ZPBP: variants seen among roughly 807,000 people sequenced by gnomAD.
ZPBP encodes the protein zona pellucida-binding protein 1.
Under a neutral mutation model 44.8 loss-of-function variants are expected in ZPBP, and 26 were observed. The observed-to-expected ratio is 0.58, with a 90% confidence interval of 0.43 to 0.81. The LOEUF (loss-of-function observed/expected upper bound fraction) is 0.81, where lower values mean the gene tolerates loss of function less well. Ranked by LOEUF, ZPBP falls within the 30% of genes least tolerant of loss-of-function variation. The pLI is 0.00. For missense variants in ZPBP, 409 were observed against 434.0 expected (o/e 0.94, Z 0.51); for synonymous variants, 174 against 153.2 (o/e 1.14, Z -1.00).
At chr7:49,912,353 G>T in intron 1 of ZPBP, 2 of 623,348 alleles carry the variant, frequency 3.2e-6, no homozygotes, top group Non-Finnish European at 2.6e-6. Context: ...AGAAGGAAAT[G>T]GATATATTTC....
At chr7:49,844,982 C>T in the ZPBP span, among the ~76,000 whole-genome samples, 19 of 152,186 alleles carry the variant, frequency 1.2e-4, no homozygotes, top group African/African-American at 3.4e-4. Flanking sequence ...CGCACCCGGC[C>T]GGCAATTCAC....
rs550377170 is a variant in ZPBP, at chr7:50,091,417, G to T, written c.127+1651C>A. ...TGAAATCTTTGCCTAAATGGTGCTG[G>T]GATAATTGGAAAGCCACATGCAGAA... On this transcript the variant is annotated intron_variant, in intron 1 of 7. Transcript: ENST00000046087. Among the ~76,000 whole-genome samples, 85 of 152,096 alleles carry T rather than the reference G, an allele frequency of 5.6e-4. 1 individual carries two copies. The highest frequency in any genetic ancestry group is 2.0e-3 in the African/African-American group (84 of 41,498).
At chr7:49,979,558 C>T (rs959458258) in intron 7 of ZPBP, among the ~76,000 whole-genome samples, 1 of 150,948 alleles carries the variant, frequency 6.6e-6, no homozygotes, top group African/African-American at 2.4e-5. Flanking sequence ...GTGTTGTTAC[C>T]CAAAGTTTTT....
intron 2 of ZPBP, among the ~76,000 whole-genome samples, chr7:49,860,643 A>T (rs1005845941): frequency 3.0e-4 from 45 of 152,240 alleles, no homozygotes; most frequent in Non-Finnish European, 1.8e-4. Context: ...TTGCTAGGGC[A>T]TATGGTAACT....
chr7:49,981,617 T>TAA (rs1269231447), intron 7 of ZPBP, among the ~76,000 whole-genome samples: 1 of 19,914 alleles, frequency 5.0e-5, no homozygotes, highest in African/African-American at 4.0e-4. Context: ...TATAATTATA[T>TAA]TATATTATAT....
chr7:49,993,828 T>C (rs1005493332), intron 6 of ZPBP, among the ~76,000 whole-genome samples: 3 of 149,054 alleles, frequency 2.0e-5, no homozygotes, highest in Non-Finnish European at 3.0e-5. Context: ...CCCGCCACCA[T>C]GGCCATGTTG....
chr7:50,084,495 G>A (rs1284841575), intron 2 of ZPBP, among the ~76,000 whole-genome samples: 8 of 151,762 alleles, frequency 5.3e-5, no homozygotes, highest in African/African-American at 1.9e-4. Flanking sequence ...GAACTGAAAA[G>A]AATATGTAAA....
intron 3 of ZPBP, among the ~76,000 whole-genome samples, 200 bp from the exon 4 acceptor site, chr7:50,058,341 A>G (rs543068724): frequency 5.9e-5 from 9 of 152,210 alleles, no homozygotes; most frequent in Non-Finnish European, 1.2e-4. Context: ...TTCACTAATC[A>G]GAGTTCATCA....
At chr7:49,854,495 G>A (rs1274069009) in intron 2 of ZPBP, among the ~76,000 whole-genome samples, 2 of 152,094 alleles carry the variant, frequency 1.3e-5, no homozygotes, top group African/African-American at 4.8e-5. Context: ...GTGTCTGTTG[G>A]CTGCATAAAT....
chr7:49,977,924 G>A (rs774847426), intron 7 of ZPBP, among the ~76,000 whole-genome samples: 1 of 152,014 alleles, frequency 6.6e-6, no homozygotes, highest in Non-Finnish European at 1.5e-5. Flanking sequence ...ATTCCTAAAC[G>A]TTGGATATGT....
chr7:50,032,832 G>T (rs1022728416), intron 4 of ZPBP, among the ~76,000 whole-genome samples: 1 of 152,000 alleles, frequency 6.6e-6, no homozygotes, highest in African/African-American at 2.4e-5. Context: ...AAAATCTCTC[G>T]CAAATCCTAA....
chr7:50,005,490 G>A (rs1562839369), intron 6 of ZPBP, among the ~76,000 whole-genome samples: 1 of 151,996 alleles, frequency 6.6e-6, no homozygotes, highest in South Asian at 2.1e-4. Context: ...CAAAATATGG[G>A]AAGGTGCAGA....
At chr7:49,853,819 C>T (rs1583682838) in intron 2 of ZPBP, among the ~76,000 whole-genome samples, 1 of 151,876 alleles carries the variant, frequency 6.6e-6, no homozygotes, top group East Asian at 1.9e-4. Context: ...CACCCATTAA[C>T]TGGTCATTTA....
At chr7:49,955,866 T>C (rs1795567691) in intron 7 of ZPBP, among the ~76,000 whole-genome samples, 1 of 152,154 alleles carries the variant, frequency 6.6e-6, no homozygotes, top group Non-Finnish European at 1.5e-5. Flanking sequence ...TGGAATAAGT[T>C]TGACATCTAA....
intron 2 of ZPBP, among the ~76,000 whole-genome samples, chr7:49,889,488 G>C (rs1792037594): frequency 6.6e-6 from 1 of 152,198 alleles, no homozygotes; most frequent in Admixed American, 6.5e-5. Flanking sequence ...CAAAATCAGG[G>C]CAGCTAAGAC....
At chr7:49,844,700 T>TA in the ZPBP span, among the ~76,000 whole-genome samples, 1 of 152,168 alleles carries the variant, frequency 6.6e-6, no homozygotes, top group Non-Finnish European at 1.5e-5. Context: ...TTTTTATTTT[T>TA]ATTTTTTTTG....
At chr7:49,955,584 C>A (rs531460465) in intron 7 of ZPBP, among the ~76,000 whole-genome samples, 1 of 151,734 alleles carries the variant, frequency 6.6e-6, no homozygotes, top group Admixed American at 6.6e-5. Context: ...AAGAAGAGCA[C>A]ATTAATTTTC....
chr7:50,076,615 A>C (rs1179079027), intron 3 of ZPBP, among the ~76,000 whole-genome samples: 6 of 152,004 alleles, frequency 3.9e-5, no homozygotes, highest in Non-Finnish European at 8.8e-5. Context: ...ACAGTGAAAA[A>C]TGTAAAAAGA....
intron 2 of ZPBP, among the ~76,000 whole-genome samples, chr7:49,894,483 A>T (rs921617698): frequency 6.6e-6 from 1 of 152,250 alleles, no homozygotes; most frequent in African/African-American, 2.4e-5. Context: ...TGTTATAAAA[A>T]TCCAAAACAT....
Sources: gnomAD v4.1 joint callset for allele counts (sites outside exome capture counted in the v4.1 genomes callset) on GRCh38, gnomAD v4.1.1 for gene constraint, MANE v1.5 for transcripts, NCBI Gene and HGNC (gene_info 2026-07-23, HGNC 2026-07-21) for gene names.